The following FAM169A variants were observed in gnomAD, a reference collection of about 807,000 sequenced individuals.
The protein encoded by FAM169A is soluble lamin-associated protein of 75 kDa.
A neutral mutation model predicts 75.7 loss-of-function variants in FAM169A; 24 were observed. The ratio of observed to expected loss-of-function variants is 0.32; its 90% confidence interval spans 0.23 to 0.45. The LOEUF (loss-of-function observed/expected upper bound fraction) is 0.45. FAM169A is among the 20% of genes least tolerant of loss of function. The pLI, the probability that FAM169A is intolerant of heterozygous loss-of-function variation, is 1.00. For synonymous variants in FAM169A, 271 were observed against 271.0 expected, an observed-to-expected ratio of 1.00 and a Z score of 0.00; for missense variants, 673 against 784.0, an observed-to-expected ratio of 0.86 and a Z score of 1.69.
chr5:74,817,802 G>C (rs1179896126), intron 5 of FAM169A, among the ~76,000 whole-genome samples: 1 of 152,084 alleles, frequency 6.6e-6, no homozygotes, highest in Non-Finnish European at 1.5e-5. Context: ...ACTGGCATGG[G>C]AACACATACA....
chr5:74,846,677 G>GC (rs1749172843), intron 1 of FAM169A, among the ~76,000 whole-genome samples: 1 of 152,120 alleles, frequency 6.6e-6, no homozygotes, highest in Non-Finnish European at 1.5e-5. Context: ...AGAAGTCTTG[G>GC]CCTCAGCCTC....
At chr5:74,851,249 T>C (rs985256721) in intron 1 of FAM169A, among the ~76,000 whole-genome samples, 2 of 152,190 alleles carry the variant, frequency 1.3e-5, no homozygotes, top group Admixed American at 1.3e-4. Context: ...CTCCAGTAGC[T>C]CACTTCGTAG....
intron 10 of FAM169A, among the ~76,000 whole-genome samples, 196 bp downstream of exon 10, chr5:74,800,684 C>T (rs1217148812): frequency 6.6e-6 from 1 of 151,726 alleles, no homozygotes; most frequent in Non-Finnish European, 1.5e-5. Context: ...GCTACACAAA[C>T]AATGTAATCG....
chr5:74,863,675 G>T (rs991988296), intron 1 of FAM169A, among the ~76,000 whole-genome samples: 1 of 152,102 alleles, frequency 6.6e-6, no homozygotes, highest in Non-Finnish European at 1.5e-5. Flanking sequence ...AAAAATATTC[G>T]ATTTTTCTTT....
intron 5 of FAM169A, among the ~76,000 whole-genome samples, chr5:74,818,803 C>CTCTATATA (rs1451956898): frequency 1.6e-4 from 20 of 121,656 alleles, no homozygotes; most frequent in South Asian, 5.4e-4. Flanking sequence ...CTCTCTCTCT[C>CTCTATATA]TATATATATA....
intron 1 of FAM169A, among the ~76,000 whole-genome samples, chr5:74,857,606 T>TAAAAAAAAAAAAA (rs1749792644): frequency 8.7e-6 from 1 of 114,364 alleles, no homozygotes. Context: ...AAAAAAAAAC[T>TAAAAAAAAAAAAA]TCCCTTAAAA....
At position 74,779,772 on chromosome 5, in the gene FAM169A, G is replaced by C. The variant is rs565093346; in HGVS notation, c.*1688C>G. ...ATTGTTCAAAATCTAACACAAATAGGAGCGTTTACTATTTTTGTCTGCTTT... is the reference window on the plus strand; with the variant it reads ...ATTGTTCAAAATCTAACACAAATAGCAGCGTTTACTATTTTTGTCTGCTTT... On this transcript the variant is annotated 3_prime_UTR_variant, in exon 13 of 13. Transcript: ENST00000687041. The C allele has an allele frequency of 6.6e-6, 1 of 152,186 alleles. No homozygotes were observed. Among genetic ancestry groups the C allele is most frequent in the Non-Finnish European group, 1.5e-5 (1 of 67,984 alleles). The allele number at this position is 152,186 out of a possible 1,614,324, so 9.4% of individuals were successfully genotyped here.
chr5:74,846,345 A>C (rs1749154985), intron 1 of FAM169A, among the ~76,000 whole-genome samples: 1 of 152,210 alleles, frequency 6.6e-6, no homozygotes, highest in Admixed American at 6.5e-5. Context: ...GACTGCTGCC[A>C]GAAACTCTGT....
intron 5 of FAM169A, among the ~76,000 whole-genome samples, chr5:74,825,202 C>G (rs1462045295): frequency 6.6e-6 from 1 of 152,114 alleles, no homozygotes; most frequent in African/African-American, 2.4e-5. Context: ...TCAAATACAT[C>G]AGGTATTCTA....
chr5:74,819,522 A>G (rs966580072), intron 5 of FAM169A, among the ~76,000 whole-genome samples: 3 of 152,218 alleles, frequency 2.0e-5, no homozygotes, highest in Non-Finnish European at 4.4e-5. Context: ...CGGAGTTACC[A>G]TATGACCCAG....
chr5:74,820,366 A>AC (rs1284459150), intron 5 of FAM169A, among the ~76,000 whole-genome samples: 1 of 152,090 alleles, frequency 6.6e-6, no homozygotes, highest in Non-Finnish European at 1.5e-5. Context: ...AAAATGTAAA[A>AC]ACAAAATATC....
In FAM169A at chr5:74,866,232, G is replaced by GCCGGCGGCTGCTCGCTGGCGA. The variant is rs1750336305; in HGVS notation, c.-92_-72dup. 2 of 983,750 alleles carry GCCGGCGGCTGCTCGCTGGCGA rather than the reference G, an allele frequency of 2.0e-6. No homozygotes were observed. The highest frequency in any genetic ancestry group is 2.4e-6 in the Non-Finnish European group (2 of 829,106). 60.9% of individuals were successfully genotyped at this position (983,750 alleles called of 1,614,324 possible). A position where few individuals can be genotyped will look rare whatever the true frequency, so the allele number is the denominator to read the frequency against. ...AGGCGGAGCCGCGCGAATGAATGGA[G>GCCGGCGGCTGCTCGCTGGCGA]CCGGCGGCTGCTCGCTGGCGACCTC... On this transcript the variant is annotated 5_prime_UTR_variant, in exon 1 of 13. Coordinates refer to ENST00000687041, the MANE Select transcript of FAM169A (RefSeq NM_001376049.1).
intron 5 of FAM169A, among the ~76,000 whole-genome samples, chr5:74,819,479 G>A (rs1747660600): frequency 6.6e-6 from 1 of 152,162 alleles, no homozygotes; most frequent in South Asian, 2.1e-4. Flanking sequence ...AGTCTCTATG[G>A]AAGACAGTTT....
intron 11 of FAM169A, among the ~76,000 whole-genome samples, chr5:74,793,279 C>G (rs1396510292): frequency 6.8e-6 from 1 of 146,664 alleles, no homozygotes; most frequent in Non-Finnish European, 1.5e-5. Context: ...GAGCTGAGAT[C>G]GTGCCACTGC....
intron 8 of FAM169A, among the ~76,000 whole-genome samples, chr5:74,801,987 AG>A (rs1746605003): frequency 2.0e-5 from 3 of 151,046 alleles, no homozygotes; most frequent in African/African-American, 4.9e-5. Context: ...TGATTTCCAA[AG>A]CTTTATTTCC....
At chr5:74,861,873 TA>T (rs1178618412) in intron 1 of FAM169A, among the ~76,000 whole-genome samples, 1 of 152,202 alleles carries the variant, frequency 6.6e-6, no homozygotes, top group Non-Finnish European at 1.5e-5. Flanking sequence ...ATACTACTTC[TA>T]GTCATTTCAA....
intron 11 of FAM169A, among the ~76,000 whole-genome samples, chr5:74,793,984 C>G (rs567330537): frequency 1.7e-3 from 208 of 124,550 alleles, no homozygotes; most frequent in African/African-American, 6.4e-3. Flanking sequence ...GGCTGGGTGA[C>G]AGAGCGAGAC....
chr5:74,822,069 T>A (rs1312977126), intron 5 of FAM169A, among the ~76,000 whole-genome samples: 1 of 152,200 alleles, frequency 6.6e-6, no homozygotes, highest in Non-Finnish European at 1.5e-5. Context: ...CCTGCCAGCC[T>A]TCTTAAGGCT....
chr5:74,801,472 G>T, intron 9 of FAM169A, 118 bp downstream of exon 9: 3 of 822,064 alleles, frequency 3.6e-6, no homozygotes, highest in East Asian at 2.5e-5. Context: ...TTTTAGAGCT[G>T]GTTAAGTCTT....
Sources: gnomAD v4.1 joint callset for allele counts (sites outside exome capture counted in the v4.1 genomes callset) on GRCh38, gnomAD v4.1.1 for gene constraint, MANE v1.5 for transcripts, NCBI Gene and HGNC (gene_info 2026-07-23, HGNC 2026-07-21) for gene names.